DNAJC16: variants seen among roughly 807,000 people sequenced by gnomAD.
DNAJC16 encodes dnaJ homolog subfamily C member 16.
Under a neutral mutation model 92.7 loss-of-function variants are expected in DNAJC16, and 76 were observed. The ratio of observed to expected loss-of-function variants is 0.82; its 90% CI spans 0.68 to 0.99. The LOEUF is 0.99. Ranked by LOEUF, DNAJC16 falls within the 50% of genes least tolerant of loss-of-function variation. The probability of loss-of-function intolerance (pLI) is 0.00; values close to 1 mark genes in which losing one functional copy is unlikely to be tolerated. For missense variants in DNAJC16, 869 were observed against 942.4 expected, an observed-to-expected ratio of 0.92 and a Z score of 1.02; for synonymous variants, 328 against 358.7, an observed-to-expected ratio of 0.91 and a Z score of 0.97.
intron 8 of DNAJC16, 75 bp from the exon 9 acceptor site, chr1:15,562,067 A>C: frequency 6.8e-7 from 1 of 1,466,140 alleles, no homozygotes; most frequent in South Asian, 1.4e-5. Context: ...CGTCTTCTTC[A>C]CCTTCACTTG....
In DNAJC16 at chr1:15,563,914, C is replaced by T. The variant is rs1162095147; in HGVS notation, c.1339-15C>T. 5 of 1,585,868 alleles carry T rather than the reference C, an allele frequency of 3.2e-6. No individual in the cohort carries two copies. The highest frequency in any genetic ancestry group is 1.2e-5 in the South Asian group (1 of 86,946). The stretch of plus-strand genomic sequence containing the variant: ...TTTTGAAACTTCTGATGTTTTTTCT[C>T]TACTTTTCTTCCAGGTGTCTATTTT... On this transcript the variant is annotated splice_polypyrimidine_tract_variant and intron_variant, in intron 9 of 14. Transcript: ENST00000375847.
intron 4 of DNAJC16, among the ~76,000 whole-genome samples, chr1:15,538,089 A>G (rs1421430935): frequency 6.6e-6 from 1 of 152,148 alleles, no homozygotes; most frequent in Non-Finnish European, 1.5e-5. Flanking sequence ...TTTATTCACC[A>G]TGACTTCCTG....
At chr1:15,549,912 ATTG>A (rs768425872) in intron 7 of DNAJC16, among the ~76,000 whole-genome samples, 58 of 151,978 alleles carry the variant, frequency 3.8e-4, no homozygotes, top group Middle Eastern at 3.4e-3. Flanking sequence ...CTATTTAAAT[ATTG>A]TTGTTGTTAA....
intron 10 of DNAJC16, 23 bp downstream of exon 10, chr1:15,564,134 G>C (rs372999348): frequency 1.2e-6 from 2 of 1,613,100 alleles, no homozygotes; most frequent in Non-Finnish European, 1.7e-6. Context: ...GCTGGGAAGG[G>C]TGGGACACCA....
chr1:15,557,456 G>A (rs562169747), intron 7 of DNAJC16, among the ~76,000 whole-genome samples: 1 of 152,078 alleles, frequency 6.6e-6, no homozygotes, highest in African/African-American at 2.4e-5. Context: ...CAAAGAACCA[G>A]TTTTGTCTTT....
chr1:15,530,659 C>T (rs1463971726), intron 2 of DNAJC16, among the ~76,000 whole-genome samples: 2 of 152,194 alleles, frequency 1.3e-5, no homozygotes, highest in Non-Finnish European at 2.9e-5. Context: ...TCATTTAAAC[C>T]TTATAATGAG....
At chr1:15,559,744 G>A in intron 8 of DNAJC16, 88 bp downstream of exon 8, 3 of 1,517,588 alleles carry the variant, frequency 2.0e-6, no homozygotes, top group Non-Finnish European at 2.7e-6. Context: ...CATCTGCCCT[G>A]TAACATTGAG....
At position 15,544,160 on chromosome 1, in the gene DNAJC16, A is replaced by ACACACACACACACACACACG. The variant is rs1553147238; in HGVS notation, c.575-220_575-219insGCACACACACACACACACAC. Among the ~76,000 whole-genome samples the ACACACACACACACACACACG allele has an allele frequency of 1.9e-3, 282 of 149,300 alleles. 3 individuals are homozygous for ACACACACACACACACACACG. Among genetic ancestry groups the ACACACACACACACACACACG allele is most frequent in the African/African-American group, 6.6e-3 (267 of 40,708 alleles). Reference sequence around the variant, plus strand: ...GTTTTATGTATATGCATACACACACACACACACACACACACACACACACAC... The same window carrying ACACACACACACACACACACG: ...GTTTTATGTATATGCATACACACACACACACACACACACACACACGCACACACACACACACACACACACAC... On this transcript the variant is annotated intron_variant, in intron 4 of 14. Transcript: ENST00000375847.
chr1:15,552,028 C>CA (rs557657296), intron 7 of DNAJC16, among the ~76,000 whole-genome samples: 39,806 of 141,974 alleles, frequency 0.28, 6,067 homozygotes, highest in African/African-American at 0.42. Context: ...GACTCTGTCT[C>CA]AAAAAAAAAA....
At chr1:15,546,954 G>C in intron 6 of DNAJC16, 83 bp downstream of exon 6, 1 of 1,055,704 alleles carries the variant, frequency 9.5e-7, no homozygotes, top group Middle Eastern at 2.1e-4. Flanking sequence ...TAATCTCTGA[G>C]TTGGAACTTA....
chr1:15,553,650 A>T (rs1638499788), intron 7 of DNAJC16, among the ~76,000 whole-genome samples: 1 of 152,208 alleles, frequency 6.6e-6, no homozygotes, highest in Admixed American at 6.5e-5. Flanking sequence ...CACAATGAAC[A>T]CATCCATGTT....
chr1:15,529,456 C>G (rs1202622394), intron 2 of DNAJC16, among the ~76,000 whole-genome samples, 184 bp downstream of exon 2: 1 of 152,008 alleles, frequency 6.6e-6, no homozygotes, highest in African/African-American at 2.4e-5. Flanking sequence ...AGATCCAAAG[C>G]CTATGTTTAC....
chr1:15,527,450 C>T (rs2103398223), intron 1 of DNAJC16, among the ~76,000 whole-genome samples: 1 of 152,328 alleles, frequency 6.6e-6, no homozygotes, highest in Admixed American at 6.5e-5. Flanking sequence ...AAACCCTTTA[C>T]ATGCATTTAG....
chr1:15,545,573 G>C (rs902718183), intron 5 of DNAJC16, among the ~76,000 whole-genome samples: 2 of 152,196 alleles, frequency 1.3e-5, no homozygotes, highest in African/African-American at 4.8e-5. Context: ...GTGACCCTTG[G>C]ACCAGGTTGG....
chr1:15,531,229 T>C (rs973398138), intron 2 of DNAJC16, among the ~76,000 whole-genome samples: 3 of 152,244 alleles, frequency 2.0e-5, no homozygotes, highest in Admixed American at 6.5e-5. Context: ...TGGTACAGAC[T>C]GCATGCGTGA....
chr1:15,539,786 G>A (rs553487957), intron 4 of DNAJC16, among the ~76,000 whole-genome samples: 38 of 152,174 alleles, frequency 2.5e-4, no homozygotes, highest in African/African-American at 8.7e-4. Context: ...ACAGCACTTC[G>A]ATAGGCTGAG....
At chr1:15,557,322 G>A (rs1638590108) in intron 7 of DNAJC16, among the ~76,000 whole-genome samples, 1 of 152,176 alleles carries the variant, frequency 6.6e-6, no homozygotes, top group African/African-American at 2.4e-5. Flanking sequence ...TAGGTTTTCT[G>A]TTTTAACTTC....
chr1:15,530,800 G>T (rs1252610825), intron 2 of DNAJC16, among the ~76,000 whole-genome samples: 1 of 152,126 alleles, frequency 6.6e-6, no homozygotes, highest in African/African-American at 2.4e-5. Flanking sequence ...GGATTCTCCT[G>T]ACTCAGCCTC....
Position 15,569,631 on chromosome 1 carries a change from CTTTTTTTTT to C in DNAJC16, c.*1465_*1473del, listed in dbSNP as rs377498367. The C allele has an allele frequency of 1.6e-5, 2 of 126,784 alleles. No homozygotes were observed. Among genetic ancestry groups the C allele is most frequent in the East Asian group, 2.3e-4 (1 of 4,396 alleles). 7.9% of individuals were successfully genotyped at this position (126,784 alleles called of 1,614,324 possible). A position where few individuals can be genotyped will look rare whatever the true frequency, so the allele number is the denominator to read the frequency against. ...GTGATGGGACATTTACTAAGTATTT[CTTTTTTTTT>C]TTTTTTTTTTAGTTGTTGAGACAGA... is the stretch of plus-strand genomic sequence containing the variant. On this transcript the variant is annotated 3_prime_UTR_variant, in exon 15 of 15. Coordinates refer to ENST00000375847, the MANE Select transcript of DNAJC16 (RefSeq NM_015291.4).
Sources: gnomAD v4.1 joint callset for allele counts (sites outside exome capture counted in the v4.1 genomes callset) on GRCh38, gnomAD v4.1.1 for gene constraint, MANE v1.5 for transcripts, NCBI Gene and HGNC (gene_info 2026-07-23, HGNC 2026-07-21) for gene names.